The following DMXL2 variants were observed in gnomAD, a reference collection of about 807,000 sequenced individuals.
DMXL2 encodes the protein Dmx like 2.
Under a neutral mutation model 331.1 loss-of-function variants are expected in DMXL2, and 103 were observed. The observed-to-expected ratio is 0.31, with a 90% CI of 0.27 to 0.37. DMXL2 has a LOEUF of 0.37. Among genes scored for constraint, DMXL2 ranks in the 10% least tolerant of loss-of-function variants. DMXL2 has a pLI of 1.00. For missense variants in DMXL2, 3,171 were observed against 3,642.9 expected, an observed-to-expected ratio of 0.87 and a Z score of 3.33; for synonymous variants, 1,281 against 1,252.1, an observed-to-expected ratio of 1.02 and a Z score of -0.49.
intron 19 of DMXL2, 67 bp downstream of exon 19, chr15:51,494,957 A>C (rs1361346867): frequency 8.7e-7 from 1 of 1,153,702 alleles, no homozygotes; most frequent in East Asian, 2.4e-5. Flanking sequence ...ACACACAAAC[A>C]TGATACACCC....
At chr15:51,495,591 T>A (rs2043116732) in intron 18 of DMXL2, among the ~76,000 whole-genome samples, 1 of 152,218 alleles carries the variant, frequency 6.6e-6, no homozygotes, top group African/African-American at 2.4e-5. Context: ...TGAAATATGG[T>A]ACTATCAAAG....
chr15:51,555,217 G>A (rs541359010), intron 6 of DMXL2, among the ~76,000 whole-genome samples: 15 of 152,240 alleles, frequency 9.9e-5, no homozygotes, highest in African/African-American at 3.1e-4. Context: ...GTACAGAAGT[G>A]CAGCAAAAAT....
intron 19 of DMXL2, among the ~76,000 whole-genome samples, chr15:51,492,752 C>T (rs35872581): frequency 0.11 from 17,496 of 152,148 alleles, 1,269 homozygotes; most frequent in South Asian, 0.16. Flanking sequence ...CAAACTAGTC[C>T]AAGTAGCCAT....
intron 29 of DMXL2, among the ~76,000 whole-genome samples, chr15:51,466,796 T>C (rs1051162442): frequency 1.6e-4 from 24 of 152,018 alleles, no homozygotes; most frequent in Non-Finnish European, 2.9e-5. Context: ...AAAATCTCCC[T>C]GTGAATTTCT....
intron 3 of DMXL2, among the ~76,000 whole-genome samples, chr15:51,566,647 A>G (rs957805031): frequency 3.9e-5 from 6 of 152,182 alleles, no homozygotes; most frequent in African/African-American, 1.4e-4. Context: ...TTTAATTTAT[A>G]CTGTTTTGGG....
chr15:51,570,944 T>C (rs1008621474), intron 2 of DMXL2, among the ~76,000 whole-genome samples: 4 of 152,106 alleles, frequency 2.6e-5, no homozygotes, highest in African/African-American at 4.8e-5. Flanking sequence ...AATATTAACC[T>C]TAAATGTAAA....
intron 32 of DMXL2, among the ~76,000 whole-genome samples, chr15:51,464,422 CAAAA>C (rs1356923967): frequency 1.3e-5 from 2 of 151,954 alleles, no homozygotes; most frequent in African/African-American, 4.8e-5. Context: ...AACAAACAAA[CAAAA>C]AACACCACAC....
intron 13 of DMXL2, among the ~76,000 whole-genome samples, chr15:51,519,831 CAG>C (rs2047253377): frequency 1.3e-5 from 2 of 151,836 alleles, no homozygotes; most frequent in Admixed American, 6.6e-5. Context: ...TTAGTAGAGA[CAG>C]GGTTTCACCA....
intron 6 of DMXL2, among the ~76,000 whole-genome samples, chr15:51,550,135 T>C (rs561450394): frequency 1.3e-5 from 2 of 152,254 alleles, no homozygotes; most frequent in South Asian, 4.1e-4. Context: ...CACAAGTCAA[T>C]ACATATGATA....
At chr15:51,536,994 C>T (rs763747300) in intron 11 of DMXL2, 132 bp from the exon 12 acceptor site, 93 of 760,698 alleles carry the variant, frequency 1.2e-4, no homozygotes, top group Non-Finnish European at 1.8e-4. Context: ...TGGTCCAGTC[C>T]CCTTGCTCTA....
intron 40 of DMXL2, among the ~76,000 whole-genome samples, chr15:51,454,693 C>G (rs1340126703): frequency 6.6e-6 from 1 of 152,124 alleles, no homozygotes; most frequent in Admixed American, 6.6e-5. Context: ...GAGGGGGTTT[C>G]ACCAGGTTGG....
intron 3 of DMXL2, chr15:51,567,174 C>G (rs974322245): frequency 3.6e-4 from 54 of 151,734 alleles, no homozygotes; most frequent in African/African-American, 1.3e-3. Flanking sequence ...TTCCTAGCAG[C>G]AGGGACTATA....
intron 9 of DMXL2, among the ~76,000 whole-genome samples, chr15:51,541,695 T>G (rs1030250983): frequency 6.6e-6 from 1 of 152,180 alleles, no homozygotes; most frequent in African/African-American, 2.4e-5. Context: ...CTTTATATAG[T>G]TCTATGAGCA....
chr15:51,574,209 T>C (rs2050862579), intron 2 of DMXL2, among the ~76,000 whole-genome samples: 3 of 152,084 alleles, frequency 2.0e-5, no homozygotes. Flanking sequence ...CCAGGAGGAT[T>C]TTGTTCCAGG....
intron 6 of DMXL2, among the ~76,000 whole-genome samples, chr15:51,548,139 A>T (rs2048991345): frequency 6.6e-6 from 1 of 151,864 alleles, no homozygotes; most frequent in South Asian, 2.1e-4. Context: ...AATTTAGTTA[A>T]AGGCTAAACA....
intron 1 of DMXL2, among the ~76,000 whole-genome samples, chr15:51,583,276 CT>C (rs2051601897): frequency 1.1e-5 from 1 of 89,480 alleles, no homozygotes. Context: ...TCCCTCCCCC[CT>C]CCCCCGACCC....
intron 1 of DMXL2, among the ~76,000 whole-genome samples, chr15:51,585,431 A>G (rs916415320): frequency 6.6e-6 from 1 of 152,148 alleles, no homozygotes; most frequent in Admixed American, 6.6e-5. Flanking sequence ...ATTCTTCTTA[A>G]TAGCTGCACA....
chr15:51,483,992 C>T (rs1271763197), intron 23 of DMXL2, among the ~76,000 whole-genome samples: 1 of 152,126 alleles, frequency 6.6e-6, no homozygotes, highest in Non-Finnish European at 1.5e-5. Context: ...GAGGAGCAGC[C>T]TCACTGCCAC....
intron 25 of DMXL2, 77 bp from the exon 26 acceptor site, chr15:51,478,424 A>G: frequency 7.7e-7 from 1 of 1,305,316 alleles, no homozygotes; most frequent in South Asian, 1.3e-5. Flanking sequence ...ATTAGAAAAC[A>G]TCCAGGAAAC....
Sources: gnomAD v4.1 joint callset for allele counts (sites outside exome capture counted in the v4.1 genomes callset) on GRCh38, gnomAD v4.1.1 for gene constraint, MANE v1.5 for transcripts, NCBI Gene and HGNC (gene_info 2026-07-23, HGNC 2026-07-21) for gene names.